EGFLAM: variants seen among roughly 807,000 people sequenced by gnomAD.
The protein encoded by EGFLAM is EGF like, fibronectin type III and laminin G domains, also known as pikachurin.
In EGFLAM, 79 loss-of-function variants were observed where a neutral mutation model predicts 113.1. The observed-to-expected ratio is 0.70, with a 90% CI of 0.58 to 0.84. The LOEUF is 0.84. Among genes scored for constraint, EGFLAM ranks in the 40% least tolerant of loss-of-function variants. The probability of loss-of-function intolerance (pLI) is 0.00; values close to 1 mark genes in which losing one functional copy is unlikely to be tolerated. For missense variants in EGFLAM, 1,265 were observed against 1,291.6 expected, an observed-to-expected ratio of 0.98 and a Z score of 0.32; for synonymous variants, 504 against 487.6, an observed-to-expected ratio of 1.03 and a Z score of -0.44.
intron 10 of EGFLAM, among the ~76,000 whole-genome samples, chr5:38,409,434 G>GGT (rs1741402195): frequency 6.6e-6 from 1 of 151,892 alleles, no homozygotes; most frequent in Non-Finnish European, 1.5e-5. Flanking sequence ...TGGCACTGCA[G>GGT]GTGCTGTTGA....
intron 6 of EGFLAM, among the ~76,000 whole-genome samples, chr5:38,392,698 T>A (rs1740845630): frequency 6.6e-6 from 1 of 151,992 alleles, no homozygotes. Context: ...TTTTAAAAAA[T>A]TATACTTTAA....
intron 6 of EGFLAM, among the ~76,000 whole-genome samples, chr5:38,391,921 C>T (rs1008274355): frequency 7.9e-5 from 12 of 151,762 alleles, no homozygotes; most frequent in South Asian, 2.1e-4. Context: ...GGATTACAGG[C>T]GCCCACCACC....
chr5:38,422,403 C>G (rs1044231277), intron 12 of EGFLAM, among the ~76,000 whole-genome samples: 3 of 152,196 alleles, frequency 2.0e-5, no homozygotes, highest in Admixed American at 6.5e-5. Flanking sequence ...GCCCTGGGCC[C>G]TCGCCGCCAG....
At chr5:38,397,450 A>G (rs1740990961) in intron 6 of EGFLAM, among the ~76,000 whole-genome samples, 1 of 152,082 alleles carries the variant, frequency 6.6e-6, no homozygotes, top group African/African-American at 2.4e-5. Context: ...ATTTTTTTTA[A>G]TTAAAATTTT....
intron 1 of EGFLAM, among the ~76,000 whole-genome samples, chr5:38,296,154 C>T (rs554606394): frequency 2.6e-5 from 4 of 152,174 alleles, no homozygotes; most frequent in African/African-American, 4.8e-5. Context: ...AAATAGGGTC[C>T]ATAGGGTATT....
chr5:38,457,052 G>A (rs1475566304), intron 19 of EGFLAM, among the ~76,000 whole-genome samples: 1 of 152,178 alleles, frequency 6.6e-6, no homozygotes, highest in African/African-American at 2.4e-5. Context: ...AAACCCTTAT[G>A]GTATCGGGGT....
At chr5:38,318,965 T>C (rs924821226) in intron 1 of EGFLAM, among the ~76,000 whole-genome samples, 1 of 152,172 alleles carries the variant, frequency 6.6e-6, no homozygotes, top group African/African-American at 2.4e-5. Flanking sequence ...TGAGAGAACT[T>C]TCTAGAAGGC....
chr5:38,375,615 C>T (rs945907515), intron 6 of EGFLAM, among the ~76,000 whole-genome samples: 1 of 152,176 alleles, frequency 6.6e-6, no homozygotes, highest in African/African-American at 2.4e-5. Flanking sequence ...TTTCACTTCC[C>T]ACTGGGCCTA....
intron 1 of EGFLAM, among the ~76,000 whole-genome samples, chr5:38,276,003 T>C (rs1317617322): frequency 2.0e-5 from 3 of 152,204 alleles, no homozygotes; most frequent in African/African-American, 7.2e-5. Flanking sequence ...GATAATTTAT[T>C]AGTCCATTTT....
chr5:38,269,386 A>G (rs924782452), intron 1 of EGFLAM, among the ~76,000 whole-genome samples: 2 of 152,200 alleles, frequency 1.3e-5, no homozygotes, highest in Admixed American at 1.3e-4. Context: ...AATTATAAAA[A>G]AATCTTTTTT....
At chr5:38,454,064 C>T (rs760897612) in intron 19 of EGFLAM, among the ~76,000 whole-genome samples, 19 of 152,182 alleles carry the variant, frequency 1.2e-4, no homozygotes, top group Non-Finnish European at 2.4e-4. Flanking sequence ...GAACCCAGGC[C>T]GAGGTCGACT....
At chr5:38,406,014 T>A in intron 6 of EGFLAM, 112 bp from the exon 7 acceptor site, 1 of 842,494 alleles carries the variant, frequency 1.2e-6, no homozygotes, top group Non-Finnish European at 2.0e-6. Context: ...TTGTTATGTT[T>A]CCAATACACT....
At position 38,458,393 on chromosome 5, in the gene EGFLAM, AG is replaced by A; in HGVS notation, c.2771+1del. On this transcript the variant is annotated frameshift_variant and splice_region_variant, in exon 20 of 22. Coordinates refer to ENST00000322350, the MANE Select transcript of EGFLAM (RefSeq NM_152403.4). LOFTEE classifies it high-confidence loss of function. Reference protein sequence around the residue: ...DGRWHRVKAVRDGQSGKITVD... With the variant: ...DGRWHRVKAVXDGQSGKITVD... Reference sequence around the variant, plus strand: ...TCGGTGGCACCGAGTTAAGGCCGTTAGGTGAGTCCCTCCCGCAGCATGAGGC... The same window carrying A: ...TCGGTGGCACCGAGTTAAGGCCGTTAGTGAGTCCCTCCCGCAGCATGAGGC... 2 of 1,613,894 alleles carry A rather than the reference AG, an allele frequency of 1.2e-6. No homozygotes were observed. Among genetic ancestry groups the A allele is most frequent in the Non-Finnish European group, 8.5e-7 (1 of 1,179,854 alleles).
At chr5:38,422,406 G>A (rs935484197) in intron 12 of EGFLAM, among the ~76,000 whole-genome samples, 41 of 152,062 alleles carry the variant, frequency 2.7e-4, no homozygotes, top group African/African-American at 8.5e-4. Context: ...CTGGGCCCTC[G>A]CCGCCAGGTT....
intron 7 of EGFLAM, among the ~76,000 whole-genome samples, chr5:38,406,582 A>G (rs1741289988): frequency 6.6e-6 from 1 of 152,230 alleles, no homozygotes. Context: ...TCATATTGTA[A>G]TAAGAATAAA....
chr5:38,409,160 T>A, intron 10 of EGFLAM, 56 bp downstream of exon 10: 1 of 1,382,150 alleles, frequency 7.2e-7, no homozygotes, highest in Non-Finnish European at 9.8e-7. Context: ...TTACATTATA[T>A]TTGCCTTTTT....
chr5:38,298,011 C>T (rs1007126046), intron 1 of EGFLAM, among the ~76,000 whole-genome samples: 7 of 152,126 alleles, frequency 4.6e-5, no homozygotes, highest in South Asian at 2.1e-4. Context: ...TCACACAGCA[C>T]GTAAAGAACA....
intron 1 of EGFLAM, among the ~76,000 whole-genome samples, chr5:38,280,506 G>A (rs746707232): frequency 1.3e-5 from 2 of 152,078 alleles, no homozygotes; most frequent in South Asian, 2.1e-4. Flanking sequence ...ACTTCCCCCC[G>A]ATTCCTCTCT....
intron 12 of EGFLAM, among the ~76,000 whole-genome samples, chr5:38,423,900 CA>C (rs1158197049): frequency 1.3e-5 from 2 of 152,110 alleles, no homozygotes; most frequent in Non-Finnish European, 2.9e-5. Flanking sequence ...AAGACTGGAC[CA>C]ATTCAAGGAG....
Sources: gnomAD v4.1 joint callset for allele counts (sites outside exome capture counted in the v4.1 genomes callset) on GRCh38, gnomAD v4.1.1 for gene constraint, MANE v1.5 for transcripts, NCBI Gene and HGNC (gene_info 2026-07-23, HGNC 2026-07-21) for gene names.